Variants in CDH13 observed in about 807,000 individuals in gnomAD.
CDH13 encodes the protein cadherin-13.
Under a neutral mutation model 63.8 loss-of-function variants are expected in CDH13, and 24 were observed. The observed-to-expected ratio is 0.38, with a 90% CI of 0.27 to 0.53. The LOEUF (loss-of-function observed/expected upper bound fraction) is 0.53, where lower values mean the gene tolerates loss of function less well. Ranked by LOEUF, CDH13 falls within the 20% of genes least tolerant of loss-of-function variation. CDH13 has a pLI of 0.85. For missense variants in CDH13, 1,049 were observed against 903.1 expected, an observed-to-expected ratio of 1.16 and a Z score of -2.07; for synonymous variants, 503 against 355.3, an observed-to-expected ratio of 1.42 and a Z score of -4.67.
chr16:83,635,324 T>A (rs1911155219), intron 8 of CDH13, among the ~76,000 whole-genome samples: 1 of 137,774 alleles, frequency 7.3e-6, no homozygotes. Flanking sequence ...CTTTTGCCCA[T>A]TTTCTTTCTT....
At position 82,656,905 on chromosome 16, in the gene CDH13, T is replaced by C. The variant is rs531335989; in HGVS notation, c.45+29768T>C. ...TTGAAGTTTCCTCCATGTTTTCTTA[T>C]GGTTTGGTAGCTCTTTTTTTTTTTT... On this transcript the variant is annotated intron_variant, in intron 1 of 13. Coordinates refer to ENST00000567109, the MANE Select transcript of CDH13 (RefSeq NM_001257.5). Among the ~76,000 whole-genome samples the C allele has an allele frequency of 1.1e-4, 16 of 150,280 alleles. No individual in the cohort carries two copies. In the East Asian group the frequency reaches 1.2e-3, roughly 11 times the overall value.
At chr16:83,180,949 T>C (rs1382632693) in intron 4 of CDH13, 1 of 1,532,684 alleles carries the variant, frequency 6.5e-7, no homozygotes, top group Admixed American at 2.0e-5. Flanking sequence ...ATTACAATTT[T>C]AGCAATTTAA....
intron 3 of CDH13, among the ~76,000 whole-genome samples, chr16:83,043,685 C>G (rs973184952): frequency 1.3e-5 from 2 of 151,956 alleles, no homozygotes; most frequent in Non-Finnish European, 2.9e-5. Flanking sequence ...ATGGTGAAAC[C>G]ACATCTCTAC....
intron 2 of CDH13, among the ~76,000 whole-genome samples, chr16:82,957,442 T>C (rs1175855226): frequency 6.6e-6 from 1 of 152,170 alleles, no homozygotes; most frequent in Non-Finnish European, 1.5e-5. Flanking sequence ...CAATGTCAGA[T>C]ATTGGAAGTT....
At chr16:82,692,803 C>T (rs1253434082) in intron 1 of CDH13, among the ~76,000 whole-genome samples, 1 of 34,814 alleles carries the variant, frequency 2.9e-5, no homozygotes, top group South Asian at 8.5e-4. Flanking sequence ...TGGGAGGAGA[C>T]CTGCACAGGC....
At chr16:82,774,150 C>G (rs2035385976) in intron 1 of CDH13, among the ~76,000 whole-genome samples, 1 of 152,048 alleles carries the variant, frequency 6.6e-6, no homozygotes, top group Non-Finnish European at 1.5e-5. Context: ...ATGTGCTTCC[C>G]TAATTGGTTG....
intron 4 of CDH13, among the ~76,000 whole-genome samples, chr16:83,125,753 G>A (rs2151645007): frequency 1.3e-5 from 2 of 152,312 alleles, no homozygotes; most frequent in East Asian, 3.9e-4. Flanking sequence ...TAAGCAGGAA[G>A]ATGTCAATGG....
At chr16:83,169,519 A>T (rs551787708) in intron 4 of CDH13, among the ~76,000 whole-genome samples, 28 of 151,216 alleles carry the variant, frequency 1.9e-4, no homozygotes, top group African/African-American at 6.1e-4. Context: ...ATGATAAGGT[A>T]CTGTGGCCTT....
intron 1 of CDH13, among the ~76,000 whole-genome samples, chr16:82,636,542 A>T (rs1460119839): frequency 6.6e-6 from 1 of 152,212 alleles, no homozygotes; most frequent in East Asian, 1.9e-4. Flanking sequence ...AATCAGCAGC[A>T]CTGGAAATAT....
intron 8 of CDH13, among the ~76,000 whole-genome samples, chr16:83,613,693 C>G (rs917693812): frequency 6.6e-6 from 1 of 151,986 alleles, no homozygotes; most frequent in East Asian, 1.9e-4. Context: ...ATTAGTCAGG[C>G]GTGGTGGCGC....
chr16:83,404,109 T>C (rs926451586), intron 6 of CDH13, among the ~76,000 whole-genome samples: 12 of 152,228 alleles, frequency 7.9e-5, no homozygotes, highest in African/African-American at 2.9e-4. Context: ...AGTCAGGCTC[T>C]TGGCTCAGAA....
intron 5 of CDH13, among the ~76,000 whole-genome samples, chr16:83,323,610 A>G (rs1256285157): frequency 1.3e-5 from 2 of 152,156 alleles, no homozygotes; most frequent in East Asian, 3.9e-4. Flanking sequence ...ACCTCTGGAA[A>G]AAAACAAAAA....
intron 7 of CDH13, among the ~76,000 whole-genome samples, chr16:83,502,875 C>T (rs994070022): frequency 6.6e-6 from 1 of 152,196 alleles, no homozygotes; most frequent in East Asian, 1.9e-4. Context: ...GCATCTCCAT[C>T]GACAGTGGGG....
At chr16:83,616,105 C>T (rs1909260219) in intron 8 of CDH13, among the ~76,000 whole-genome samples, 1 of 152,170 alleles carries the variant, frequency 6.6e-6, no homozygotes, top group Non-Finnish European at 1.5e-5. Flanking sequence ...ATCATCCAAG[C>T]AGTACAGTTC....
intron 8 of CDH13, among the ~76,000 whole-genome samples, chr16:83,649,886 C>G (rs761954620): frequency 1.1e-4 from 16 of 152,208 alleles, no homozygotes; most frequent in Non-Finnish European, 2.2e-4. Context: ...ACCTTTCTAA[C>G]CAGCTCACAG....
In CDH13 at chr16:83,001,506, G is replaced by A. The variant is rs529717624; in HGVS notation, c.158-30504G>A. ...CACATGAAAACAGAGCTGCCAGACC[G>A]TGTCCAGGGCCTCAGCCAGGGAGCT... On this transcript the variant is annotated intron_variant, in intron 2 of 13. Transcript: ENST00000567109. Among the ~76,000 whole-genome samples the A allele has an allele frequency of 1.2e-4, 19 of 152,338 alleles. No homozygotes were observed. The East Asian group carries it at 2.9e-3, about 23-fold the overall frequency.
chr16:82,971,863 G>A (rs1196541372), intron 2 of CDH13, among the ~76,000 whole-genome samples: 1 of 152,120 alleles, frequency 6.6e-6, no homozygotes, highest in Non-Finnish European at 1.5e-5. Context: ...TCCCAGACTT[G>A]CAGGGACGGA....
chr16:83,393,154 T>C (rs964477028), intron 6 of CDH13, among the ~76,000 whole-genome samples: 1 of 152,168 alleles, frequency 6.6e-6, no homozygotes, highest in Non-Finnish European at 1.5e-5. Flanking sequence ...CTGGTGCTAT[T>C]CCGTGAGACC....
intron 2 of CDH13, among the ~76,000 whole-genome samples, chr16:82,968,037 G>GGCTTATGTTTTAAACTGGCT (rs1908116904): frequency 6.6e-6 from 1 of 152,126 alleles, no homozygotes. Context: ...AATGGCATGA[G>GGCTTATGTTTTAAACTGGCT]TCCTTCTACA....
Sources: gnomAD v4.1 joint callset for allele counts (sites outside exome capture counted in the v4.1 genomes callset) on GRCh38, gnomAD v4.1.1 for gene constraint, MANE v1.5 for transcripts, NCBI Gene and HGNC (gene_info 2026-07-23, HGNC 2026-07-21) for gene names.